Variants in GOLGA6C observed in about 807,000 individuals in gnomAD.
The protein encoded by GOLGA6C is golgin A6 family member C.
In GOLGA6C, 3 loss-of-function variants were observed where a neutral mutation model predicts 57.5. The observed-to-expected ratio is 0.05, with a 90% CI of 0.02 to 0.13. GOLGA6C has a LOEUF of 0.13. Ranked by LOEUF, GOLGA6C falls within the 10% of genes least tolerant of loss-of-function variation. The probability of loss-of-function intolerance (pLI) is 1.00; values close to 1 mark genes in which losing one functional copy is unlikely to be tolerated. For synonymous variants in GOLGA6C, 32 were observed against 203.8 expected (o/e 0.16, Z 7.18); for missense variants, 88 against 525.6 (o/e 0.17, Z 8.14).
At chr15:75,264,477 T>TAC (rs1192726651) in intron 7 of GOLGA6C, among the ~76,000 whole-genome samples, 6 of 117,750 alleles carry the variant, frequency 5.1e-5, no homozygotes, top group Admixed American at 2.6e-4. Flanking sequence ...TGTGTGTGTG[T>TAC]ACTATGATAA....
In GOLGA6C at chr15:75,272,811, C is replaced by G. The variant is rs1228848948; in HGVS notation, c.*2612C>G. Among the ~76,000 whole-genome samples the G allele has an allele frequency of 6.6e-6, 1 of 151,740 alleles. No individual in the cohort carries two copies. Among genetic ancestry groups the G allele is most frequent in the Non-Finnish European group, 1.5e-5 (1 of 68,054 alleles). ...TGGTCCTTTGCAATACCTCATTCAG[C>G]CAAGTATTTGTTCTCTTCCTCATTC... On this transcript the variant is annotated 3_prime_UTR_variant, in exon 18 of 18. Coordinates refer to ENST00000300576, the MANE Select transcript of GOLGA6C (RefSeq NM_001164404.2).
chr15:75,270,267 T>C lies in GOLGA6C; in HGVS notation c.*68T>C, dbSNP rs1185058181. 2.6e-6 allele frequency: 4 copies of C among 1,557,048 alleles called. No individual in the cohort carries two copies. Among genetic ancestry groups the C allele is most frequent in the Non-Finnish European group, 3.5e-6 (4 of 1,155,440 alleles). On this transcript the variant is annotated 3_prime_UTR_variant, in exon 18 of 18. Transcript: ENST00000300576. The stretch of plus-strand genomic sequence containing the variant: ...TACCAGGCAGCCGAGAACAGGGAGA[T>C]AAACATCATCATCTTCTAAGAGCTG...
rs557611629 is a variant in GOLGA6C, at chr15:75,265,358, A to C, written c.693A>C (p.Glu231Asp). 7.5e-6 allele frequency: 12 copies of C among 1,604,166 alleles called. 3 individuals are homozygous for C. The South Asian group carries it at 1.3e-4, about 18-fold the overall frequency. The change falls in exon 9 of 18, where the codon GAA becomes GAC. Residue 231 changes from glutamate to aspartate, a missense_variant. By Grantham distance (45) the Glu-to-Asp change is conservative. Coordinates refer to ENST00000300576, the MANE Select transcript of GOLGA6C (RefSeq NM_001164404.2). ...AACAAGTCCAGCTAGAGCGGGACGA[A>C]TATGCTAAACACATAAAAGGAGAGA... ...SLKQVQLERD[E>D]YAKHIKGERA... is the part of the protein sequence containing the mutation.
In GOLGA6C at chr15:75,270,227, T is replaced by C. The variant is rs898445392; in HGVS notation, c.*28T>C. ...GCACCCAGGCTTGCCCAGCAAACCC[T>C]GCGTGCCATTCTTCTACCAGGCAGC... is the stretch of plus-strand genomic sequence containing the variant. On this transcript the variant is annotated 3_prime_UTR_variant, in exon 18 of 18. Coordinates refer to ENST00000300576, the MANE Select transcript of GOLGA6C (RefSeq NM_001164404.2). 1.9e-5 allele frequency: 30 copies of C among 1,586,902 alleles called. No individual in the cohort carries two copies. Among genetic ancestry groups the C allele is most frequent in the Non-Finnish European group, 1.9e-5 (22 of 1,170,896 alleles).
In GOLGA6C at chr15:75,270,034, C is replaced by T. The variant is rs575185305; in HGVS notation, c.1955-38C>T. 9.9e-4 allele frequency: 1,585 copies of T among 1,600,142 alleles called. 93 individuals carry two copies. In the South Asian group the frequency reaches 0.017, roughly 17 times the overall value. ...TGGGCAGGCAGGGGCAGGGGAGGCT[C>T]GCACTGTGCTCAGACCCCCGCCTCC... On this transcript the variant is annotated intron_variant, in intron 17 of 17. Coordinates refer to ENST00000300576, the MANE Select transcript of GOLGA6C (RefSeq NM_001164404.2).
At chr15:75,264,439 GGT>G (rs368165570) in intron 7 of GOLGA6C, among the ~76,000 whole-genome samples, 59,097 of 116,766 alleles carry the variant, frequency 0.51, 16,657 homozygotes, top group South Asian at 0.55. Flanking sequence ...AGAGGAAAGG[GGT>G]GTGTGTGTGT....
rs201182491 is a variant in GOLGA6C, at chr15:75,269,216, G to A, written c.1594-237G>A. 2.9e-4 allele frequency among the ~76,000 whole-genome samples: 43 copies of A among 146,566 alleles called. 5 individuals are homozygous for A. The highest frequency in any genetic ancestry group is 9.2e-4 in the African/African-American group (35 of 38,146). On this transcript the variant is annotated intron_variant, in intron 14 of 17. Transcript: ENST00000300576. ...CGGCTATGTGGGCAGCGGAAGGTGC[G>A]AAGGCTGTGCCGCCTGCACCTGGCT...
chr15:75,258,751 T>G lies in GOLGA6C; in HGVS notation c.84+69T>G, dbSNP rs2070719085. 36 of 582,150 alleles carry G rather than the reference T, an allele frequency of 6.2e-5. No homozygotes were observed. In the South Asian group the frequency reaches 6.6e-4, roughly 11 times the overall value. The allele number at this position is 582,150 out of a possible 1,614,324, so 36.1% of individuals were successfully genotyped here. ...AGATCCCCTCTGATGACAAGACCAC[T>G]CCCAGAGTCCATACCACTCCTGAGG... On this transcript the variant is annotated intron_variant, in intron 1 of 17. Transcript: ENST00000300576.
Position 75,272,783 on chromosome 15 carries a change from A to T in GOLGA6C, c.*2584A>T, listed in dbSNP as rs567046853. ...TAACTTAAGTCTTTCTTCAAAGTGC[A>T]TGTGGTCCTTTGCAATACCTCATTC... On this transcript the variant is annotated 3_prime_UTR_variant, in exon 18 of 18. Coordinates refer to ENST00000300576, the MANE Select transcript of GOLGA6C (RefSeq NM_001164404.2). 6.6e-6 allele frequency among the ~76,000 whole-genome samples: 1 copy of T among 151,532 alleles called. No homozygotes were observed. Among genetic ancestry groups the T allele is most frequent in the Non-Finnish European group, 1.5e-5 (1 of 68,054 alleles).
Position 75,273,382 on chromosome 15 carries a change from G to T in GOLGA6C, c.*3183G>T, listed in dbSNP as rs1316910827. The stretch of plus-strand genomic sequence containing the variant: ...ATAATAGAAATACTGAAACACTGTT[G>T]CCTAAAGTGGCATTGTTGACTGCTA... On this transcript the variant is annotated 3_prime_UTR_variant, in exon 18 of 18. Transcript: ENST00000300576. 6.6e-6 allele frequency among the ~76,000 whole-genome samples: 1 copy of T among 152,048 alleles called. No homozygotes were observed. The highest frequency in any genetic ancestry group is 1.5e-5 in the Non-Finnish European group (1 of 68,054).
intron 2 of GOLGA6C, among the ~76,000 whole-genome samples, chr15:75,260,992 TC>T (rs1362672663): frequency 3.6e-5 from 1 of 27,776 alleles, no homozygotes; most frequent in Non-Finnish European, 7.9e-5. Flanking sequence ...AAAAATCACT[TC>T]TTCTGCTGGG....
At position 75,272,665 on chromosome 15, in the gene GOLGA6C, T is replaced by C. The variant is rs1423329837; in HGVS notation, c.*2466T>C. ...TTAAGCTGAATGTCAGTCTGGAAAA[T>C]GAATGTACTATATTAACTGAAATAC... On this transcript the variant is annotated 3_prime_UTR_variant, in exon 18 of 18. Coordinates refer to ENST00000300576, the MANE Select transcript of GOLGA6C (RefSeq NM_001164404.2). Among the ~76,000 whole-genome samples, 8 of 151,822 alleles carry C rather than the reference T, an allele frequency of 5.3e-5. No homozygotes were observed. In the East Asian group the frequency reaches 1.4e-3, roughly 26 times the overall value.
rs1431514932 is a variant in GOLGA6C at position 75,266,113 on chromosome 15, C to G, written c.856C>G (p.Pro286Ala). Reference protein sequence around the residue: ...SELKNQMAEPPSLAPPAVTSV... With the variant: ...SELKNQMAEPASLAPPAVTSV... ...TCTGCTTCATTTCTCAGCTGAGCCC[C>G]CATCCCTGGCACCCCCAGCAGTGAC... is the stretch of plus-strand genomic sequence containing the variant. Residue 286 changes from proline to alanine, a missense_variant, in exon 11 of 18, where the codon CCA (proline) becomes GCA (alanine). Coordinates refer to ENST00000300576, the MANE Select transcript of GOLGA6C (RefSeq NM_001164404.2). The G allele has an allele frequency of 7.0e-7, 1 of 1,433,378 alleles. No homozygotes were observed. The highest frequency in any genetic ancestry group is 1.5e-5 in the African/African-American group (1 of 68,842). The allele number at this position is 1,433,378 out of a possible 1,614,324, so 88.8% of individuals were successfully genotyped here. A position where few individuals can be genotyped will look rare whatever the true frequency, so the allele number is the denominator to read the frequency against.
At position 75,272,845 on chromosome 15, in the gene GOLGA6C, G is replaced by A. The variant is rs1364585480; in HGVS notation, c.*2646G>A. 1.3e-5 allele frequency among the ~76,000 whole-genome samples: 2 copies of A among 151,964 alleles called. No homozygotes were observed. The highest frequency in any genetic ancestry group is 2.9e-5 in the Non-Finnish European group (2 of 68,052). On this transcript the variant is annotated 3_prime_UTR_variant, in exon 18 of 18. Transcript: ENST00000300576. ...TGTTCTCTTCCTCATTCAGTTTAAG[G>A]CAGCTTTCAATTTGCTTAGAAGGCA...
chr15:75,265,073 G>A (rs1453245537), intron 7 of GOLGA6C, 49 bp from the exon 8 acceptor site: 2 of 1,603,762 alleles, frequency 1.2e-6, no homozygotes, highest in South Asian at 1.1e-5. Context: ...CTTTTAAGGG[G>A]CACTGCCCGG....
rs553623474 is a variant in GOLGA6C at position 75,260,724 on chromosome 15, C to T, written c.204+232C>T. 4.5e-4 allele frequency among the ~76,000 whole-genome samples: 67 copies of T among 148,054 alleles called. 1 individual carries two copies. The highest frequency in any genetic ancestry group is 1.6e-3 in the African/African-American group (65 of 39,616). On this transcript the variant is annotated intron_variant, in intron 2 of 17. Transcript: ENST00000300576. Reference sequence around the variant, plus strand: ...CATTTGTGAAGTTTAAATGAGATTCCTTATTGTTGTTGTTTTCATGTTAAC... The same window carrying T: ...CATTTGTGAAGTTTAAATGAGATTCTTTATTGTTGTTGTTTTCATGTTAAC...
chr15:75,270,099 A>C lies in GOLGA6C; in HGVS notation c.1982A>C (p.Asn661Thr). 6.2e-7 allele frequency: 1 copy of C among 1,603,112 alleles called. No individual in the cohort carries two copies. Among genetic ancestry groups the C allele is most frequent in the Non-Finnish European group, 8.5e-7 (1 of 1,176,706 alleles). Reference protein sequence around the residue: ...DDFYEVSLDNNVEPAPGAARE... With the variant: ...DDFYEVSLDNTVEPAPGAARE... ...TTTTATGAAGTGAGCCTGGACAACA[A>C]CGTGGAGCCTGCACCAGGAGCGGCC... is the stretch of plus-strand genomic sequence containing the variant. Residue 661 changes from asparagine to threonine, a missense_variant, in exon 18 of 18, where the codon AAC becomes ACC. Coordinates refer to ENST00000300576, the MANE Select transcript of GOLGA6C (RefSeq NM_001164404.2).
chr15:75,273,209 C>G lies in GOLGA6C; in HGVS notation c.*3010C>G, dbSNP rs1061788. 3.3e-5 allele frequency among the ~76,000 whole-genome samples: 5 copies of G among 152,242 alleles called. No homozygotes were observed. The South Asian group carries it at 1.0e-3, about 32-fold the overall frequency. On this transcript the variant is annotated 3_prime_UTR_variant, in exon 18 of 18. Coordinates refer to ENST00000300576, the MANE Select transcript of GOLGA6C (RefSeq NM_001164404.2). ...TAATGTTTTGAAATAAGTTAAAACA[C>G]TTTAAAATATGAATACTGTAGTTTG...
At position 75,270,623 on chromosome 15, in the gene GOLGA6C, AATGTTATTGCAGC is replaced by A. The variant is rs2070785487; in HGVS notation, c.*429_*441del. On this transcript the variant is annotated 3_prime_UTR_variant, in exon 18 of 18. Coordinates refer to ENST00000300576, the MANE Select transcript of GOLGA6C (RefSeq NM_001164404.2). ...TTGGAACAGGCTGCCATGCTTTTTT[AATGTTATTGCAGC>A]ATGTATATTCATTCCAGAATTCAGA... 2.2e-5 allele frequency among the ~76,000 whole-genome samples: 1 copy of A among 46,434 alleles called. No individual in the cohort carries two copies. Among genetic ancestry groups the A allele is most frequent in the African/African-American group, 9.2e-5 (1 of 10,838 alleles). The allele number at this position is 46,434 out of a possible 152,430, so 30.5% of individuals were successfully genotyped here. A position where few individuals can be genotyped will look rare whatever the true frequency, so the allele number is the denominator to read the frequency against.
Sources: allele counts gnomAD v4.1 joint callset (sites outside exome capture counted in the v4.1 genomes callset), GRCh38; gene constraint gnomAD v4.1.1; transcripts MANE v1.5; gene names NCBI Gene and HGNC (gene_info 2026-07-23, HGNC 2026-07-21).